The following NCOA2 variants were observed in gnomAD, a reference collection of about 807,000 sequenced individuals.
The protein encoded by NCOA2 is nuclear receptor coactivator 2.
NCOA2 carries 21 observed loss-of-function variants against 145.1 expected under a neutral mutation model. That is an observed-to-expected ratio of 0.14 (90% CI 0.10 to 0.21). The LOEUF (loss-of-function observed/expected upper bound fraction) is 0.21, where lower values mean the gene tolerates loss of function less well. NCOA2 is among the 10% of genes least tolerant of loss of function. NCOA2 has a pLI of 1.00. For missense variants in NCOA2, 1,472 were observed against 1,837.6 expected (o/e 0.80, Z 3.64); for synonymous variants, 619 against 637.5 (o/e 0.97, Z 0.44).
At chr8:70,303,857 G>A (rs1287622627) in intron 1 of NCOA2, among the ~76,000 whole-genome samples, 1 of 152,026 alleles carries the variant, frequency 6.6e-6, no homozygotes, top group African/African-American at 2.4e-5. Flanking sequence ...AAGGCTCAGG[G>A]ATAGTTCCCC....
At chr8:70,430,576 C>T in the NCOA2 span, among the ~76,000 whole-genome samples, 6 of 152,146 alleles carry the variant, frequency 3.9e-5, no homozygotes, top group Non-Finnish European at 7.3e-5. Context: ...TGCCCTCTAC[C>T]CCCTTTCTTT....
At chr8:70,180,421 C>A (rs1036682214) in intron 4 of NCOA2, among the ~76,000 whole-genome samples, 4 of 152,180 alleles carry the variant, frequency 2.6e-5, no homozygotes, top group Non-Finnish European at 2.9e-5. Flanking sequence ...TAGATTTCCA[C>A]TTTCAAAGCG....
chr8:70,166,133 T>A (rs1161186067), intron 7 of NCOA2, among the ~76,000 whole-genome samples: 1 of 152,216 alleles, frequency 6.6e-6, no homozygotes, highest in Non-Finnish European at 1.5e-5. Flanking sequence ...ACTGTGCATT[T>A]TTCTAGGGCT....
chr8:70,385,414 T>TAA (rs2131517335), intron 1 of NCOA2, among the ~76,000 whole-genome samples: 1 of 152,314 alleles, frequency 6.6e-6, no homozygotes, highest in East Asian at 1.9e-4. Context: ...AATACTCTTG[T>TAA]ATTCAAGAAA....
intron 2 of NCOA2, among the ~76,000 whole-genome samples, chr8:70,256,843 G>A (rs1823674169): frequency 6.6e-6 from 1 of 152,116 alleles, no homozygotes; most frequent in South Asian, 2.1e-4. Flanking sequence ...AAAAACAGAG[G>A]GCACCTGTGC....
intron 2 of NCOA2, among the ~76,000 whole-genome samples, chr8:70,277,300 TTACTA>T (rs1268161421): frequency 1.3e-5 from 2 of 152,172 alleles, no homozygotes; most frequent in African/African-American, 4.8e-5. Flanking sequence ...TTCTGAAACT[TTACTA>T]TACATTACTA....
At chr8:70,190,906 GA>G (rs1816611495) in intron 4 of NCOA2, among the ~76,000 whole-genome samples, 1 of 152,152 alleles carries the variant, frequency 6.6e-6, no homozygotes, top group African/African-American at 2.4e-5. Context: ...TTATAAATGA[GA>G]AAAATCAGGG....
At chr8:70,295,270 C>G (rs1026684594) in intron 2 of NCOA2, among the ~76,000 whole-genome samples, 3 of 152,068 alleles carry the variant, frequency 2.0e-5, no homozygotes, top group Non-Finnish European at 4.4e-5. Context: ...AAACAAAAAA[C>G]GAAATAAGTT....
intron 1 of NCOA2, among the ~76,000 whole-genome samples, chr8:70,311,330 AC>A (rs1232048725): frequency 1.3e-5 from 2 of 152,210 alleles, no homozygotes; most frequent in Non-Finnish European, 2.9e-5. Flanking sequence ...CGCACAGATG[AC>A]AATGAAGCAG....
chr8:70,268,055 C>T (rs1371806807), intron 2 of NCOA2, among the ~76,000 whole-genome samples: 2 of 152,210 alleles, frequency 1.3e-5, no homozygotes, highest in Admixed American at 1.3e-4. Context: ...TTAGGAATCC[C>T]TGCTGCTCCT....
intron 1 of NCOA2, among the ~76,000 whole-genome samples, chr8:70,400,349 T>G (rs1000449818): frequency 6.6e-6 from 1 of 152,156 alleles, no homozygotes; most frequent in Non-Finnish European, 1.5e-5. Context: ...CAGCTGACGA[T>G]GCACATCTTT....
At chr8:70,163,419 G>C (rs1563551754) in intron 8 of NCOA2, 46 bp downstream of exon 8, 1 of 1,379,546 alleles carries the variant, frequency 7.2e-7, no homozygotes. Context: ...AAATATGTAA[G>C]TATTCTAAAA....
At chr8:70,152,266 A>AT (rs1235896290) in intron 11 of NCOA2, among the ~76,000 whole-genome samples, 4 of 152,288 alleles carry the variant, frequency 2.6e-5, no homozygotes, top group East Asian at 1.9e-4. Flanking sequence ...TGGTTTTAGG[A>AT]TTTTTTCATG....
rs753298961 is a variant in NCOA2 at position 70,309,636 on chromosome 8, A to T, written c.-76-12836T>A. ...GTATCTTTCTATATACAGTACTTAAATTTTTTTTTTCCCCACAAAAATTGC... is the reference window on the plus strand; with the variant it reads ...GTATCTTTCTATATACAGTACTTAATTTTTTTTTTTCCCCACAAAAATTGC... On this transcript the variant is annotated intron_variant, in intron 1 of 22. Coordinates refer to ENST00000452400, the MANE Select transcript of NCOA2 (RefSeq NM_006540.4). 5.3e-5 allele frequency among the ~76,000 whole-genome samples: 8 copies of T among 150,850 alleles called. 1 individual carries two copies. Among genetic ancestry groups the T allele is most frequent in the Non-Finnish European group, 1.2e-4 (8 of 67,598 alleles).
At chr8:70,412,512 G>A in the NCOA2 span, among the ~76,000 whole-genome samples, 1 of 149,192 alleles carries the variant, frequency 6.7e-6, no homozygotes. Context: ...GAAAGCTCTA[G>A]ATATATATTA....
At position 70,194,144 on chromosome 8, in the gene NCOA2, C is replaced by T. The variant is rs146494921; in HGVS notation, c.260-19285G>A. 2.2e-3 allele frequency among the ~76,000 whole-genome samples: 333 copies of T among 152,124 alleles called. 3 individuals are homozygous for T. The highest frequency in any genetic ancestry group is 4.4e-3 in the South Asian group (21 of 4,814). ...TGTTGAATTGGGGTTTCCTTTTGTA[C>T]AAAACAACAGAAATGAGAAACATAG... On this transcript the variant is annotated intron_variant, in intron 4 of 22. Coordinates refer to ENST00000452400, the MANE Select transcript of NCOA2 (RefSeq NM_006540.4).
intron 1 of NCOA2, among the ~76,000 whole-genome samples, chr8:70,356,484 C>T (rs550903400): frequency 6.6e-6 from 1 of 152,016 alleles, no homozygotes; most frequent in Admixed American, 6.6e-5. Context: ...AACTACTGAA[C>T]CAATGATTTT....
At chr8:70,226,649 G>A (rs1375297578) in intron 2 of NCOA2, among the ~76,000 whole-genome samples, 2 of 109,456 alleles carry the variant, frequency 1.8e-5, no homozygotes, top group African/African-American at 7.1e-5. Flanking sequence ...TAAAACTTAT[G>A]TTTTAATTAT....
At chr8:70,425,489 T>C in the NCOA2 span, among the ~76,000 whole-genome samples, 1 of 152,092 alleles carries the variant, frequency 6.6e-6, no homozygotes, top group Non-Finnish European at 1.5e-5. Flanking sequence ...CACATCCTGT[T>C]CCCTGCCCCA....
Sources: allele counts gnomAD v4.1 joint callset (sites outside exome capture counted in the v4.1 genomes callset), GRCh38; gene constraint gnomAD v4.1.1; transcripts MANE v1.5; gene names NCBI Gene and HGNC (gene_info 2026-07-23, HGNC 2026-07-21).